TDP1: variants seen among roughly 807,000 people sequenced by gnomAD.
TDP1 encodes tyrosyl-DNA phosphodiesterase 1.
Under a neutral mutation model 81.5 loss-of-function variants are expected in TDP1, and 64 were observed. That is an observed-to-expected ratio of 0.79 (90% CI 0.64 to 0.97). The LOEUF (loss-of-function observed/expected upper bound fraction) is 0.97, where lower values mean the gene tolerates loss of function less well. Ranked by LOEUF, TDP1 falls within the 50% of genes least tolerant of loss-of-function variation. The pLI is 0.00. For missense variants in TDP1, 723 were observed against 743.8 expected (o/e 0.97, Z 0.33); for synonymous variants, 256 against 264.3 (o/e 0.97, Z 0.30).
intron 16 of TDP1, among the ~76,000 whole-genome samples, chr14:90,037,734 C>T (rs538248054): frequency 6.6e-6 from 1 of 152,306 alleles, no homozygotes; most frequent in Non-Finnish European, 1.5e-5. Context: ...GAAAGGCATT[C>T]TCTTACGTAA....
intron 5 of TDP1, among the ~76,000 whole-genome samples, chr14:89,970,066 C>T (rs1030014168): frequency 2.6e-5 from 4 of 151,236 alleles, no homozygotes; most frequent in Non-Finnish European, 5.9e-5. Flanking sequence ...TTAGTAGAGA[C>T]GGGGTTTCAC....
intron 14 of TDP1, among the ~76,000 whole-genome samples, chr14:89,994,608 C>A (rs1371383805): frequency 6.6e-6 from 1 of 152,186 alleles, no homozygotes; most frequent in Non-Finnish European, 1.5e-5. Flanking sequence ...GCAGTGTGTG[C>A]TTGACTGTGG....
At chr14:89,967,525 C>A in intron 5 of TDP1, 103 bp downstream of exon 5, 2 of 973,636 alleles carry the variant, frequency 2.1e-6, no homozygotes, top group Non-Finnish European at 3.3e-6. Context: ...TTGAGTTTTT[C>A]TTTTGAAACT....
intron 16 of TDP1, among the ~76,000 whole-genome samples, chr14:90,041,872 G>C (rs1248602055): frequency 6.6e-6 from 1 of 152,200 alleles, no homozygotes; most frequent in African/African-American, 2.4e-5. Flanking sequence ...CATCAGTTAA[G>C]ATGAAGAAAA....
intron 14 of TDP1, among the ~76,000 whole-genome samples, chr14:90,012,835 A>G (rs1467169540): frequency 6.6e-6 from 1 of 152,112 alleles, no homozygotes; most frequent in East Asian, 1.9e-4. Flanking sequence ...AGCAGCCAAG[A>G]AGGGGGGCTA....
intron 2 of TDP1, among the ~76,000 whole-genome samples, chr14:89,960,548 CT>C (rs1301978359): frequency 6.6e-6 from 1 of 152,126 alleles, no homozygotes; most frequent in African/African-American, 2.4e-5. Context: ...TAAATAGAAA[CT>C]TTTAGAAAGC....
chr14:90,036,798 A>G (rs954917021), intron 16 of TDP1, among the ~76,000 whole-genome samples: 3 of 149,186 alleles, frequency 2.0e-5, no homozygotes, highest in Non-Finnish European at 4.4e-5. Context: ...TTTTAAAAGA[A>G]GCCCCTCCCC....
chr14:90,028,586 CCT>C (rs2140304299), intron 15 of TDP1, among the ~76,000 whole-genome samples: 1 of 152,270 alleles, frequency 6.6e-6, no homozygotes, highest in African/African-American at 2.4e-5. Context: ...AGGGTGCCTT[CCT>C]CTGTTTTGTA....
rs553635966 is a variant in TDP1 at position 89,968,621 on chromosome 14, T to G, written c.659+1199T>G. Among the ~76,000 whole-genome samples, 29 of 152,342 alleles carry G rather than the reference T, an allele frequency of 1.9e-4. No individual in the cohort carries two copies. The South Asian group carries it at 5.8e-3, about 30-fold the overall frequency. Reference sequence around the variant, plus strand: ...TTAGCTTAGCACACCTTTTCCTGAATTAGCCTTTTGTTAGGGAAGGAGGAG... The same window carrying G: ...TTAGCTTAGCACACCTTTTCCTGAAGTAGCCTTTTGTTAGGGAAGGAGGAG... On this transcript the variant is annotated intron_variant, in intron 5 of 16. Transcript: ENST00000335725.
intron 15 of TDP1, among the ~76,000 whole-genome samples, chr14:90,025,396 C>A (rs370714441): frequency 1.3e-5 from 2 of 152,002 alleles, no homozygotes; most frequent in East Asian, 1.9e-4. Flanking sequence ...TATTTTTTTT[C>A]TTGTTTTTTT....
chr14:90,026,263 C>T (rs148351761), intron 15 of TDP1, among the ~76,000 whole-genome samples: 1 of 152,370 alleles, frequency 6.6e-6, no homozygotes, highest in Non-Finnish European at 1.5e-5. Context: ...ATGCTGCCTA[C>T]CTGCCTTGGG....
rs35740539 is a variant in TDP1, at chr14:89,995,325, G to C, written c.1541+1842G>C. ...GGAGGCACAGAGTGATTAATAAGCTGCCTACTATCATGCAGTAATAAGTGA... is the reference window on the plus strand; with the variant it reads ...GGAGGCACAGAGTGATTAATAAGCTCCCTACTATCATGCAGTAATAAGTGA... On this transcript the variant is annotated intron_variant, in intron 14 of 16. Transcript: ENST00000335725. Among the ~76,000 whole-genome samples, 907 of 152,300 alleles carry C rather than the reference G, an allele frequency of 6.0e-3. 6 individuals are homozygous for C. Among genetic ancestry groups the C allele is most frequent in the African/African-American group, 0.021 (871 of 41,564 alleles).
At chr14:89,983,186 A>G (rs1895187570) in intron 8 of TDP1, 2 of 455,474 alleles carry the variant, frequency 4.4e-6, no homozygotes, top group East Asian at 6.9e-5. Context: ...TGCTATTGCA[A>G]GGGGAGGTCC....
chr14:89,987,695 C>T (rs1895721999), intron 10 of TDP1, among the ~76,000 whole-genome samples: 1 of 152,022 alleles, frequency 6.6e-6, no homozygotes. Flanking sequence ...TGCTGTCCCT[C>T]GAGGCAGTCC....
chr14:89,984,488 C>T lies in TDP1; in HGVS notation c.885-28C>T. ...TCATTATGATCAGTTGTGTGCCTGA[C>T]TGTTAAAGGTTATTTTTTTAATTCC... On this transcript the variant is annotated intron_variant, in intron 8 of 16. Transcript: ENST00000335725. 3 of 1,613,740 alleles carry T rather than the reference C, an allele frequency of 1.9e-6. No individual in the cohort carries two copies. In the South Asian group the frequency reaches 3.3e-5, roughly 18 times the overall value.
intron 14 of TDP1, among the ~76,000 whole-genome samples, chr14:90,011,664 T>G (rs1338859255): frequency 6.6e-6 from 1 of 152,208 alleles, no homozygotes; most frequent in Non-Finnish European, 1.5e-5. Flanking sequence ...TGTGGAACTT[T>G]AAACTTGAGA....
intron 4 of TDP1, 23 bp from the exon 5 acceptor site, chr14:89,967,344 T>G (rs533817704): frequency 6.2e-7 from 1 of 1,612,044 alleles, no homozygotes; most frequent in Admixed American, 1.7e-5. Context: ...ATGGCTTAGT[T>G]ACTCTTCTTT....
At chr14:89,991,573 C>T (rs1401630764) in intron 12 of TDP1, 12 of 984,592 alleles carry the variant, frequency 1.2e-5, no homozygotes, top group African/African-American at 8.7e-5. Context: ...AAGTGATTAG[C>T]GAGTTGTCAT....
chr14:90,000,733 T>G (rs1268206461), intron 14 of TDP1, among the ~76,000 whole-genome samples: 2 of 152,232 alleles, frequency 1.3e-5, no homozygotes, highest in Non-Finnish European at 2.9e-5. Flanking sequence ...TTCTCCAATT[T>G]TGGCTGGAAT....
Sources: gnomAD v4.1 joint callset for allele counts (sites outside exome capture counted in the v4.1 genomes callset) on GRCh38, gnomAD v4.1.1 for gene constraint, MANE v1.5 for transcripts, NCBI Gene and HGNC (gene_info 2026-07-23, HGNC 2026-07-21) for gene names.